Variants in GPLD1 observed in about 807,000 individuals in gnomAD.
The protein encoded by GPLD1 is phosphatidylinositol-glycan-specific phospholipase D.
GPLD1 carries 84 observed loss-of-function variants against 112.6 expected under a neutral mutation model. That is an observed-to-expected ratio of 0.75 (90% CI 0.63 to 0.89). GPLD1 has a LOEUF of 0.89. Among genes scored for constraint, GPLD1 ranks in the 40% least tolerant of loss-of-function variants. GPLD1 has a pLI of 0.00. For missense variants in GPLD1, 1,044 were observed against 1,051.5 expected (o/e 0.99, Z 0.10); for synonymous variants, 386 against 403.8 (o/e 0.96, Z 0.53).
rs753168976 is a variant in GPLD1 at position 24,495,046 on chromosome 6, C to T, written n.160G>A. 1.5e-4 allele frequency: 199 copies of T among 1,357,072 alleles called. No homozygotes were observed. Among genetic ancestry groups the T allele is most frequent in the Non-Finnish European group, 1.7e-4 (184 of 1,057,188 alleles). 84.1% of individuals were successfully genotyped at this position (1,357,072 alleles called of 1,614,324 possible). On this transcript the variant is annotated non_coding_transcript_exon_variant, in exon 1 of 11. Coordinates refer to the GPLD1 transcript ENST00000474784. ...AGCTGTGGGGCCCGGCGCCTCGGGT[C>T]GACGTTTCCAGGCTGCCGCCTCCGC...
chr6:24,447,048 G>A, intron 17 of GPLD1, 69 bp from the exon 18 acceptor site: 1 of 1,415,472 alleles, frequency 7.1e-7, no homozygotes, highest in Non-Finnish European at 9.8e-7. Flanking sequence ...AAAAGAAAGG[G>A]TCCTTCTCGT....
upstream of GPLD1, among the ~76,000 whole-genome samples, chr6:24,489,906 T>G (rs568436243): frequency 4.7e-4 from 72 of 152,338 alleles, no homozygotes; most frequent in African/African-American, 1.5e-3. Context: ...CCTGTGCAGA[T>G]AGTCAACATA....
At position 24,448,024 on chromosome 6, in the gene GPLD1, A is replaced by G. The variant is rs1762967850; in HGVS notation, c.1531T>C (p.Cys511Arg). ...NITISCQDIY[C>R]NLGWTLLAAD... ...GCCAAGAGAGTCCAGCCCAAGTTAC[A>G]GTAGATGTCCTTAAGAAGAAACCAG... The change falls in exon 17 of 25, where the codon TGT (cysteine) becomes CGT (arginine). Residue 511 changes from cysteine to arginine, a missense_variant. By Grantham distance (180) the Cys-to-Arg change is radical. Transcript: ENST00000230036. 1.2e-6 allele frequency: 2 copies of G among 1,613,618 alleles called. No individual in the cohort carries two copies. Among genetic ancestry groups the G allele is most frequent in the Non-Finnish European group, 1.7e-6 (2 of 1,179,948 alleles).
downstream of GPLD1, chr6:24,424,244 A>G (rs1762154362): frequency 6.6e-6 from 1 of 151,960 alleles, no homozygotes; most frequent in African/African-American, 2.4e-5. Context: ...AGGTGAATAA[A>G]AAGAAATAAT....
intron 1 of GPLD1, among the ~76,000 whole-genome samples, chr6:24,488,474 T>C (rs1258404407): frequency 1.3e-5 from 2 of 152,004 alleles, no homozygotes; most frequent in Non-Finnish European, 2.9e-5. Context: ...AAAATTGCTG[T>C]AGAATGTTAT....
chr6:24,456,715 T>G, intron 12 of GPLD1, 78 bp from the exon 13 acceptor site: 2 of 934,656 alleles, frequency 2.1e-6, no homozygotes, highest in Non-Finnish European at 3.2e-6. Context: ...TCCAAAGTAT[T>G]GGACTTGTGT....
intron 1 of GPLD1, 53 bp from the exon 2 acceptor site, chr6:24,486,183 A>G (rs1764368621): frequency 5.9e-6 from 6 of 1,009,246 alleles, no homozygotes; most frequent in Non-Finnish European, 9.2e-6. Context: ...CTGAAAACAT[A>G]ACTTAGGCGA....
intron 24 of GPLD1, among the ~76,000 whole-genome samples, chr6:24,429,972 G>T (rs1250163657): frequency 6.6e-6 from 1 of 152,336 alleles, no homozygotes; most frequent in East Asian, 1.9e-4. Flanking sequence ...CTGGCTGACA[G>T]TATTTTGGTC....
At position 24,436,609 on chromosome 6, in the gene GPLD1, G is replaced by C. The variant is rs188260606; in HGVS notation, c.2325C>G (p.Cys775Trp). The change falls in exon 22 of 25, where the codon TGC becomes TGG. Residue 775 changes from cysteine (C) to tryptophan (W), a missense_variant. Coordinates refer to ENST00000230036, the MANE Select transcript of GPLD1 (RefSeq NM_001503.4). The stretch of plus-strand genomic sequence containing the variant: ...CTGGACATGGAGTTATCCATGATTT[G>C]CATTTGCCAGTCATGTCACCAAGGG... ...ETTLGDMTGKCKSWITPCPEE... is the reference protein window; with the variant it reads ...ETTLGDMTGKWKSWITPCPEE... 3 of 1,613,840 alleles carry C rather than the reference G, an allele frequency of 1.9e-6. No individual in the cohort carries two copies. In the African/African-American group the frequency reaches 4.0e-5, roughly 22 times the overall value.
intron 18 of GPLD1, 83 bp downstream of exon 18, chr6:24,446,755 C>A: frequency 1.5e-6 from 2 of 1,339,680 alleles, no homozygotes; most frequent in Admixed American, 5.1e-5. Context: ...GCCCTTTTCC[C>A]TCAGCCTCAT....
chr6:24,454,216 G>T lies in GPLD1; in HGVS notation c.1149-15C>A. On this transcript the variant is annotated splice_polypyrimidine_tract_variant and intron_variant, in intron 13 of 24. Transcript: ENST00000230036. ...AGGTCATTGCCCTTAGGGAAGTGAA[G>T]GGACCCACCATGGTATGCACTGAGC... 6.3e-7 allele frequency: 1 copy of T among 1,598,032 alleles called. No homozygotes were observed. The highest frequency in any genetic ancestry group is 8.5e-7 in the Non-Finnish European group (1 of 1,170,434).
At chr6:24,447,717 G>A (rs1431038769) in intron 17 of GPLD1, 160 bp downstream of exon 17, 6 of 702,690 alleles carry the variant, frequency 8.5e-6, no homozygotes, top group Non-Finnish European at 1.2e-5. Flanking sequence ...GTGAATCTAT[G>A]CACATCACTT....
chr6:24,445,501 G>A (rs1762881345), intron 20 of GPLD1, 45 bp downstream of exon 20: 1 of 1,274,866 alleles, frequency 7.8e-7, no homozygotes, highest in South Asian at 1.2e-5. Context: ...TGTACAAGCA[G>A]CCACATGACT....
In GPLD1 at chr6:24,445,601, G is replaced by A. The variant is rs9358767; in HGVS notation, c.1965C>T (p.His655=). Residue 655 remains histidine, a synonymous_variant, in exon 20 of 25, where the codon CAC becomes CAT. Coordinates refer to ENST00000230036, the MANE Select transcript of GPLD1 (RefSeq NM_001503.4). ...GKLGTSLSSG[H]VLMNGTLKQV... ...GTTTCAGAGTCCCATTCATCAGTAC[G>A]TGGCCACTGGAAAGGGAAGTACCCA... 200,678 of 1,612,506 alleles carry A rather than the reference G, an allele frequency of 0.12. 17,218 individuals are homozygous for A. The highest frequency in any genetic ancestry group is 0.43 in the East Asian group (19,112 of 44,816).
chr6:24,471,196 A>G (rs1365446852), intron 7 of GPLD1, among the ~76,000 whole-genome samples: 3 of 152,184 alleles, frequency 2.0e-5, no homozygotes, highest in Admixed American at 6.5e-5. Context: ...TATACATAAC[A>G]TTTTAATTTA....
intron 24 of GPLD1, among the ~76,000 whole-genome samples, chr6:24,431,832 G>A (rs776975585): frequency 3.9e-5 from 6 of 152,010 alleles, no homozygotes; most frequent in Non-Finnish European, 8.8e-5. Flanking sequence ...ACTGCACCCA[G>A]CCAAGGTTAA....
upstream of GPLD1, among the ~76,000 whole-genome samples, chr6:24,489,865 A>G (rs1415957006): frequency 6.6e-6 from 1 of 152,168 alleles, no homozygotes; most frequent in Non-Finnish European, 1.5e-5. Flanking sequence ...AGTTGTCTCC[A>G]GATATTTTTT....
intron 10 of GPLD1, among the ~76,000 whole-genome samples, chr6:24,465,033 C>CA (rs1236357743): frequency 2.0e-5 from 3 of 150,602 alleles, no homozygotes; most frequent in Non-Finnish European, 4.4e-5. Context: ...TCTGTCTCTA[C>CA]AAAAAATACA....
intron 20 of GPLD1, among the ~76,000 whole-genome samples, chr6:24,442,655 AG>A (rs1762787062): frequency 6.6e-6 from 1 of 151,808 alleles, no homozygotes; most frequent in Non-Finnish European, 1.5e-5. Flanking sequence ...TGTGTTAGCC[AG>A]GATGGTCTCG....
Sources: gnomAD v4.1 joint callset for allele counts (sites outside exome capture counted in the v4.1 genomes callset) on GRCh38, gnomAD v4.1.1 for gene constraint, MANE v1.5 for transcripts, NCBI Gene and HGNC (gene_info 2026-07-23, HGNC 2026-07-21) for gene names.